The following PAQR5 variants were observed in gnomAD, a reference collection of about 807,000 sequenced individuals.
PAQR5 encodes the protein membrane progestin receptor gamma.
A neutral mutation model predicts 34.5 loss-of-function variants in PAQR5; 20 were observed. That is an observed-to-expected ratio of 0.58 (90% confidence interval 0.41 to 0.84). The LOEUF (loss-of-function observed/expected upper bound fraction) is 0.84, where lower values mean the gene tolerates loss of function less well. PAQR5 is among the 40% of genes least tolerant of loss of function. The pLI, the probability that PAQR5 is intolerant of heterozygous loss-of-function variation, is 0.00. For synonymous variants in PAQR5, 131 were observed against 155.6 expected (o/e 0.84, Z 1.18); for missense variants, 378 against 412.7 (o/e 0.92, Z 0.73).
intron 1 of PAQR5, among the ~76,000 whole-genome samples, chr15:69,323,262 G>T (rs2054169794): frequency 1.3e-5 from 2 of 152,252 alleles, no homozygotes; most frequent in Admixed American, 6.5e-5. Context: ...GTGAGTGCTT[G>T]ATATAGGTCT....
chr15:69,390,746 G>A (rs1235994123), intron 6 of PAQR5, among the ~76,000 whole-genome samples: 1 of 152,058 alleles, frequency 6.6e-6, no homozygotes, highest in African/African-American at 2.4e-5. Flanking sequence ...CTGGGCATAT[G>A]TGATGGATGA....
At chr15:69,310,107 T>C (rs1482535514) in intron 1 of PAQR5, among the ~76,000 whole-genome samples, 1 of 152,170 alleles carries the variant, frequency 6.6e-6, no homozygotes, top group Non-Finnish European at 1.5e-5. Context: ...AGCTGCTTCT[T>C]TCTTGCTTAT....
At chr15:69,363,454 G>GA (rs1212923037) in intron 3 of PAQR5, among the ~76,000 whole-genome samples, 1 of 148,948 alleles carries the variant, frequency 6.7e-6, no homozygotes, top group South Asian at 2.1e-4. Flanking sequence ...GAGAGGCCTA[G>GA]AAAAAAGACA....
rs965116953 is a variant in PAQR5 at position 69,385,049 on chromosome 15, C to T, written c.385+167C>T. Among the ~76,000 whole-genome samples, 5 of 152,166 alleles carry T rather than the reference C, an allele frequency of 3.3e-5. No individual in the cohort carries two copies. Among genetic ancestry groups the T allele is most frequent in the African/African-American group, 1.2e-4 (5 of 41,426 alleles). On this transcript the variant is annotated intron_variant, in intron 5 of 8. Coordinates refer to ENST00000395407, the MANE Select transcript of PAQR5 (RefSeq NM_017705.4). This position sits in a 1 kb window ranked among gnomAD's most constrained non-coding sequence, Gnocchi z 4.7. ...AATGGGTGTTTTATAAGAAACTGTCCATAAGCATGCTGCTAAATATTTAGC... is the reference window on the plus strand; with the variant it reads ...AATGGGTGTTTTATAAGAAACTGTCTATAAGCATGCTGCTAAATATTTAGC...
At chr15:69,365,014 G>T (rs1006768292) in intron 3 of PAQR5, among the ~76,000 whole-genome samples, 1 of 151,542 alleles carries the variant, frequency 6.6e-6, no homozygotes, top group Admixed American at 6.6e-5. Flanking sequence ...GGGATTACAG[G>T]CGTGAGCCAC....
intron 3 of PAQR5, among the ~76,000 whole-genome samples, chr15:69,362,815 C>T (rs529610002): frequency 6.6e-6 from 1 of 152,272 alleles, no homozygotes. Context: ...TGTCCATAGA[C>T]TCGAACCCCG....
At chr15:69,373,375 A>T (rs977368591) in intron 3 of PAQR5, among the ~76,000 whole-genome samples, 1 of 152,196 alleles carries the variant, frequency 6.6e-6, no homozygotes, top group African/African-American at 2.4e-5. Context: ...CAACCATGTT[A>T]TACTATTATC....
intron 1 of PAQR5, among the ~76,000 whole-genome samples, chr15:69,304,127 T>G (rs2053663731): frequency 6.6e-6 from 1 of 152,182 alleles, no homozygotes; most frequent in Admixed American, 6.5e-5. Context: ...CCTTCTTCTG[T>G]GACTGAGGCC....
At chr15:69,342,513 A>G (rs2054669044) in intron 2 of PAQR5, among the ~76,000 whole-genome samples, 1 of 152,034 alleles carries the variant, frequency 6.6e-6, no homozygotes, top group African/African-American at 2.4e-5. Flanking sequence ...GTGTCCTTTG[A>G]TGCATACAGG....
intron 1 of PAQR5, among the ~76,000 whole-genome samples, chr15:69,306,058 A>G (rs1404709228): frequency 1.3e-5 from 2 of 152,184 alleles, no homozygotes; most frequent in African/African-American, 4.8e-5. Context: ...GGAATGAGAT[A>G]TAGTGCCTGC....
At chr15:69,322,760 A>AGAG (rs2054142104) in intron 1 of PAQR5, among the ~76,000 whole-genome samples, 2 of 42,110 alleles carry the variant, frequency 4.7e-5, no homozygotes, top group African/African-American at 8.0e-5. Context: ...AAGAAGAAGA[A>AGAG]GAAGAAGAAG....
chr15:69,389,823 T>C, intron 6 of PAQR5, 43 bp downstream of exon 6: 4 of 1,608,088 alleles, frequency 2.5e-6, no homozygotes, highest in Non-Finnish European at 3.4e-6. Flanking sequence ...AGGGAGGGTC[T>C]TGCATGCAGC....
intron 2 of PAQR5, among the ~76,000 whole-genome samples, chr15:69,347,179 G>A (rs1282945068): frequency 1.3e-5 from 2 of 152,118 alleles, no homozygotes; most frequent in Admixed American, 6.5e-5. Context: ...AAATAACCAC[G>A]GATTAGCAAG....
chr15:69,329,630 G>A (rs1053170571), intron 1 of PAQR5, among the ~76,000 whole-genome samples: 5 of 151,684 alleles, frequency 3.3e-5, no homozygotes, highest in African/African-American at 9.7e-5. Flanking sequence ...GACTACAGGT[G>A]TATGCCACCA....
intron 1 of PAQR5, among the ~76,000 whole-genome samples, chr15:69,310,276 TG>T (rs2053802086): frequency 6.6e-6 from 1 of 152,132 alleles, no homozygotes; most frequent in Non-Finnish European, 1.5e-5. Context: ...GAAGTGGAAT[TG>T]GTGGTTCATG....
At chr15:69,402,218 G>A (rs1422563426) in intron 8 of PAQR5, among the ~76,000 whole-genome samples, 1 of 152,166 alleles carries the variant, frequency 6.6e-6, no homozygotes, top group Non-Finnish European at 1.5e-5. Context: ...GGCTTCTCCG[G>A]AGGCCTCTCT....
Position 69,389,695 on chromosome 15 carries a change from C to T in PAQR5, c.427C>T (p.Leu143Phe), listed in dbSNP as rs373863013. The change falls in exon 6 of 9, where the codon CTC (leucine) becomes TTC (phenylalanine). Residue 143 changes from leucine to phenylalanine, a missense_variant. Transcript: ENST00000395407. The stretch of plus-strand genomic sequence containing the variant: ...CTCTGCATACACGTTCCCGGATGCG[C>T]TCATGTGCACCACTTTCCATGACTA... Reference protein sequence around the residue: ...AYSAYTFPDALMCTTFHDYYV... With the variant: ...AYSAYTFPDAFMCTTFHDYYV... 1.5e-5 allele frequency: 24 copies of T among 1,614,076 alleles called. No individual in the cohort carries two copies. The highest frequency in any genetic ancestry group is 2.7e-5 in the African/African-American group (2 of 74,944).
chr15:69,333,015 T>C (rs1330533265), intron 1 of PAQR5, among the ~76,000 whole-genome samples: 1 of 152,158 alleles, frequency 6.6e-6, no homozygotes, highest in East Asian at 1.9e-4. Context: ...TAATTAAAAG[T>C]GGATAAACAA....
At chr15:69,331,751 T>C (rs574656273) in intron 1 of PAQR5, among the ~76,000 whole-genome samples, 1 of 152,336 alleles carries the variant, frequency 6.6e-6, no homozygotes, top group South Asian at 2.1e-4. Flanking sequence ...GTTTGAGCTT[T>C]ACCAGACTTA....
Sources: allele counts gnomAD v4.1 joint callset (sites outside exome capture counted in the v4.1 genomes callset), GRCh38; gene constraint gnomAD v4.1.1; non-coding constraint Gnocchi (gnomAD v3.1); transcripts MANE v1.5; gene names NCBI Gene and HGNC (gene_info 2026-07-23, HGNC 2026-07-21).